ARMH4: variants seen among roughly 807,000 people sequenced by gnomAD.
ARMH4 encodes armadillo-like helical domain-containing protein 4.
Under a neutral mutation model 61.9 loss-of-function variants are expected in ARMH4, and 49 were observed. The ratio of observed to expected loss-of-function variants is 0.79; its 90% CI spans 0.63 to 1.00. ARMH4 has a LOEUF of 1.00. Among genes scored for constraint, ARMH4 ranks in the 50% least tolerant of loss-of-function variants. The pLI is 0.00. For missense variants in ARMH4, 934 were observed against 930.0 expected (o/e 1.00, Z -0.06); for synonymous variants, 368 against 341.5 (o/e 1.08, Z -0.85).
At position 58,138,236 on chromosome 14, in the gene ARMH4, G is replaced by A. The variant is rs1321968774; in HGVS notation, c.1123C>T (p.His375Tyr). 1.9e-6 allele frequency: 3 copies of A among 1,614,236 alleles called. No homozygotes were observed. The highest frequency in any genetic ancestry group is 1.1e-5 in the South Asian group (1 of 91,090). ...VALGLPEGET[H>Y]TGTALLIAHG... ...GCTATTAGCAGGGCTGTGCCCGTGT[G>A]TGTTTCCCCTTCAGGCAGCCCCAGA... The change falls in exon 2 of 8, where the codon CAC (histidine) becomes TAC (tyrosine). Residue 375 changes from histidine to tyrosine, a missense_variant. Physicochemically the swap from His to Tyr is moderately conservative, Grantham distance 83. Transcript: ENST00000267485.
chr14:58,093,399 C>T (rs1297275766), intron 5 of ARMH4, among the ~76,000 whole-genome samples: 1 of 152,098 alleles, frequency 6.6e-6, no homozygotes, highest in Non-Finnish European at 1.5e-5. Flanking sequence ...GCTATGTTCC[C>T]CAGGCTGTCC....
intron 5 of ARMH4, among the ~76,000 whole-genome samples, chr14:58,032,114 T>A (rs999205043): frequency 6.6e-6 from 1 of 152,022 alleles, no homozygotes; most frequent in Non-Finnish European, 1.5e-5. Flanking sequence ...AGACCCAGCT[T>A]AAAGGGCCCT....
chr14:58,052,295 C>A (rs930481803), intron 5 of ARMH4, among the ~76,000 whole-genome samples: 1 of 152,152 alleles, frequency 6.6e-6, no homozygotes, highest in African/African-American at 2.4e-5. Context: ...ATTTGCTGGA[C>A]CCCAGTAGCT....
chr14:58,046,561 C>T (rs1205871354), intron 5 of ARMH4, among the ~76,000 whole-genome samples: 3 of 152,144 alleles, frequency 2.0e-5, no homozygotes, highest in East Asian at 3.9e-4. Context: ...CTTCAAAGAG[C>T]CCAAACCTGT....
At chr14:58,020,894 T>C (rs958794262) in intron 5 of ARMH4, among the ~76,000 whole-genome samples, 1 of 152,150 alleles carries the variant, frequency 6.6e-6, no homozygotes, top group African/African-American at 2.4e-5. Flanking sequence ...ACTGGAGATC[T>C]AGGAGAGCCA....
At chr14:58,059,536 T>C (rs1884462281) in intron 5 of ARMH4, among the ~76,000 whole-genome samples, 1 of 152,242 alleles carries the variant, frequency 6.6e-6, no homozygotes, top group Non-Finnish European at 1.5e-5. Flanking sequence ...TCCCTTCAGC[T>C]GCTGCCTGTG....
Position 58,133,214 on chromosome 14 carries a change from C to G in ARMH4, c.1497G>C (p.Glu499Asp). The G allele has an allele frequency of 6.2e-7, 1 of 1,614,110 alleles. No homozygotes were observed. ...GAACGTCAGACACAGGAGAGGGGTCCTCCTTTTCTTCCTCAGTCTTGCCAC... is the reference window on the plus strand; with the variant it reads ...GAACGTCAGACACAGGAGAGGGGTCGTCCTTTTCTTCCTCAGTCTTGCCAC... ...RDSGKTEEEK[E>D]DPSPVSDVPG... is the part of the protein sequence containing the mutation. Residue 499 changes from glutamate (E) to aspartate (D), a missense_variant, in exon 3 of 8, where the codon GAG becomes GAC. Coordinates refer to ENST00000267485, the MANE Select transcript of ARMH4 (RefSeq NM_001001872.4).
chr14:58,009,670 G>C (rs1882313827), intron 6 of ARMH4, among the ~76,000 whole-genome samples: 1 of 151,942 alleles, frequency 6.6e-6, no homozygotes, highest in Admixed American at 6.6e-5. Flanking sequence ...AATTAATTTG[G>C]CATAGTGGTG....
intron 5 of ARMH4, among the ~76,000 whole-genome samples, chr14:58,021,809 T>G (rs1294492628): frequency 2.6e-5 from 4 of 152,178 alleles, no homozygotes; most frequent in African/African-American, 9.7e-5. Flanking sequence ...TTCCAAGCAT[T>G]TATGAGGACA....
At chr14:58,091,948 C>G (rs1885579815) in intron 5 of ARMH4, among the ~76,000 whole-genome samples, 1 of 152,204 alleles carries the variant, frequency 6.6e-6, no homozygotes. Flanking sequence ...AGTTCTCTCC[C>G]TCCAAAGCTT....
At chr14:58,014,761 C>A (rs1034147841) in intron 5 of ARMH4, among the ~76,000 whole-genome samples, 5 of 152,038 alleles carry the variant, frequency 3.3e-5, no homozygotes, top group Non-Finnish European at 7.4e-5. Flanking sequence ...GTTAGGCCAC[C>A]AAGTCTATAA....
intron 4 of ARMH4, among the ~76,000 whole-genome samples, chr14:58,105,732 G>C (rs1218109751): frequency 1.3e-5 from 2 of 151,528 alleles, no homozygotes; most frequent in Non-Finnish European, 2.9e-5. Flanking sequence ...AATTGATCTT[G>C]GTTTACTATG....
At chr14:58,129,165 C>A (rs1198861461) in intron 4 of ARMH4, among the ~76,000 whole-genome samples, 3 of 152,184 alleles carry the variant, frequency 2.0e-5, no homozygotes, top group African/African-American at 4.8e-5. Flanking sequence ...AACTCATACC[C>A]CCTCTCAGTC....
At chr14:58,082,036 T>C (rs1489971177) in intron 5 of ARMH4, among the ~76,000 whole-genome samples, 2 of 152,034 alleles carry the variant, frequency 1.3e-5, no homozygotes, top group Non-Finnish European at 2.9e-5. Context: ...TGAAAAACTC[T>C]CATCAATTAT....
intron 5 of ARMH4, among the ~76,000 whole-genome samples, chr14:58,081,659 C>T (rs1885229880): frequency 6.6e-6 from 1 of 152,002 alleles, no homozygotes; most frequent in Non-Finnish European, 1.5e-5. Flanking sequence ...CACCACCACG[C>T]CTGGCTAATT....
intron 5 of ARMH4, among the ~76,000 whole-genome samples, chr14:58,082,979 C>A (rs748029165): frequency 3.3e-5 from 5 of 152,190 alleles, no homozygotes; most frequent in Non-Finnish European, 7.3e-5. Context: ...TCCCAGGTAG[C>A]CTTCCCTAAG....
chr14:58,144,935 C>A (rs1887689643), intron 1 of ARMH4, among the ~76,000 whole-genome samples: 1 of 152,032 alleles, frequency 6.6e-6, no homozygotes, highest in Admixed American at 6.6e-5. Flanking sequence ...TGAAATTACA[C>A]CTTCGGATTT....
chr14:58,004,835 T>C, intron 7 of ARMH4, 31 bp from the exon 8 acceptor site: 1 of 1,591,922 alleles, frequency 6.3e-7, no homozygotes, highest in Non-Finnish European at 8.6e-7. Flanking sequence ...AGCATTAAAC[T>C]CTTTCTGCCA....
At chr14:58,104,185 T>A (rs771050157) in intron 4 of ARMH4, among the ~76,000 whole-genome samples, 13 of 152,186 alleles carry the variant, frequency 8.5e-5, no homozygotes, top group Non-Finnish European at 1.3e-4. Flanking sequence ...CAACATGAGA[T>A]GCCTTCTTCT....
Sources: gnomAD v4.1 joint callset for allele counts (sites outside exome capture counted in the v4.1 genomes callset) on GRCh38, gnomAD v4.1.1 for gene constraint, MANE v1.5 for transcripts, NCBI Gene and HGNC (gene_info 2026-07-23, HGNC 2026-07-21) for gene names.